The following GRIN2A variants were observed in gnomAD, a reference collection of about 807,000 sequenced individuals.
GRIN2A encodes the protein glutamate ionotropic receptor NMDA type subunit 2A, also known as glutamate receptor ionotropic, NMDA 2A.
Under a neutral mutation model 113.4 loss-of-function variants are expected in GRIN2A, and 22 were observed. The ratio of observed to expected loss-of-function variants is 0.19; its 90% CI spans 0.14 to 0.28. The LOEUF (loss-of-function observed/expected upper bound fraction) is 0.28, where lower values mean the gene tolerates loss of function less well. GRIN2A is among the 10% of genes least tolerant of loss of function. The probability of loss-of-function intolerance (pLI) is 1.00; values close to 1 mark genes in which losing one functional copy is unlikely to be tolerated. For missense variants in GRIN2A, 1,502 were observed against 1,887.0 expected (o/e 0.80, Z 3.78); for synonymous variants, 827 against 738.4 (o/e 1.12, Z -1.94).
chr16:9,926,525 A>T (rs1361752411), intron 3 of GRIN2A, among the ~76,000 whole-genome samples: 1 of 152,232 alleles, frequency 6.6e-6, no homozygotes, highest in Non-Finnish European at 1.5e-5. Flanking sequence ...CTCAGGTATG[A>T]AGATCTCTGG....
At chr16:10,048,091 T>G (rs1014869251) in intron 2 of GRIN2A, among the ~76,000 whole-genome samples, 2 of 152,242 alleles carry the variant, frequency 1.3e-5, no homozygotes, top group Non-Finnish European at 2.9e-5. Context: ...TCAGACTCAA[T>G]AGTTATATTT....
chr16:10,040,674 T>C (rs2047148970), intron 2 of GRIN2A, among the ~76,000 whole-genome samples: 1 of 151,478 alleles, frequency 6.6e-6, no homozygotes, highest in African/African-American at 2.4e-5. Flanking sequence ...CACTCACATG[T>C]GCACACACAA....
intron 2 of GRIN2A, among the ~76,000 whole-genome samples, chr16:10,160,659 T>C (rs2049791939): frequency 6.6e-6 from 1 of 152,234 alleles, no homozygotes; most frequent in Non-Finnish European, 1.5e-5. Context: ...TTTAATGAAT[T>C]CTTCTAACCG....
chr16:10,022,983 T>G (rs920510968), intron 2 of GRIN2A, among the ~76,000 whole-genome samples: 1 of 152,180 alleles, frequency 6.6e-6, no homozygotes, highest in Non-Finnish European at 1.5e-5. Flanking sequence ...GTTTGTAGAT[T>G]AACACAGGAA....
intron 2 of GRIN2A, among the ~76,000 whole-genome samples, chr16:10,047,915 C>G (rs2047288239): frequency 6.6e-6 from 1 of 152,146 alleles, no homozygotes; most frequent in Admixed American, 6.5e-5. Context: ...GGCTTACTAA[C>G]ATATGTCTCA....
intron 2 of GRIN2A, among the ~76,000 whole-genome samples, chr16:9,996,129 A>G (rs2141830525): frequency 6.6e-6 from 1 of 152,114 alleles, no homozygotes; most frequent in South Asian, 2.1e-4. Flanking sequence ...AACTAAGGAG[A>G]AAGAAGTATG....
At chr16:10,128,929 A>C (rs1241869154) in intron 2 of GRIN2A, among the ~76,000 whole-genome samples, 1 of 152,240 alleles carries the variant, frequency 6.6e-6, no homozygotes, top group Non-Finnish European at 1.5e-5. Flanking sequence ...TTACCATGGC[A>C]GTTTCAATGC....
intron 11 of GRIN2A, among the ~76,000 whole-genome samples, chr16:9,790,226 A>C (rs1420382653): frequency 2.0e-5 from 3 of 152,200 alleles, no homozygotes; most frequent in Non-Finnish European, 2.9e-5. Flanking sequence ...TGCAGAGGTC[A>C]AGTCTTTCCC....
At chr16:9,820,855 A>T (rs1181500371) in intron 10 of GRIN2A, among the ~76,000 whole-genome samples, 1 of 152,194 alleles carries the variant, frequency 6.6e-6, no homozygotes, top group South Asian at 2.1e-4. Context: ...TTATACTTCA[A>T]AAGTTTAAAG....
At chr16:10,077,917 C>G (rs2047907109) in intron 2 of GRIN2A, among the ~76,000 whole-genome samples, 1 of 152,186 alleles carries the variant, frequency 6.6e-6, no homozygotes, top group Non-Finnish European at 1.5e-5. Flanking sequence ...CGTTTCTTGT[C>G]TCCAAGGTAA....
intron 11 of GRIN2A, among the ~76,000 whole-genome samples, chr16:9,784,458 C>CA (rs1236762674): frequency 2.1e-5 from 3 of 141,090 alleles, no homozygotes; most frequent in African/African-American, 8.3e-5. Context: ...AAAAAACAAA[C>CA]AAACAAAAAA....
intron 2 of GRIN2A, among the ~76,000 whole-genome samples, chr16:10,105,143 C>T (rs1185564630): frequency 2.0e-5 from 1 of 51,040 alleles, no homozygotes; most frequent in African/African-American, 9.6e-5. Flanking sequence ...GAGATGGAAG[C>T]CTGGAGAAGC....
intron 2 of GRIN2A, among the ~76,000 whole-genome samples, chr16:9,982,165 C>A (rs1228149085): frequency 1.3e-5 from 2 of 152,002 alleles, no homozygotes; most frequent in African/African-American, 4.8e-5. Flanking sequence ...TTGCAGTTTC[C>A]AATAGTCTGG....
chr16:10,104,430 T>C (rs1483606891), intron 2 of GRIN2A, among the ~76,000 whole-genome samples: 1 of 152,120 alleles, frequency 6.6e-6, no homozygotes, highest in Admixed American at 6.5e-5. Context: ...GAAGAAAGAA[T>C]ATCATAGGAG....
intron 3 of GRIN2A, among the ~76,000 whole-genome samples, chr16:9,923,022 C>T (rs940390242): frequency 5.3e-5 from 8 of 152,060 alleles, no homozygotes; most frequent in Admixed American, 1.3e-4. Flanking sequence ...TTGTTAAAAT[C>T]ATCTGTATCT....
intron 11 of GRIN2A, among the ~76,000 whole-genome samples, chr16:9,795,729 T>G (rs965995481): frequency 2.0e-5 from 3 of 152,246 alleles, no homozygotes; most frequent in African/African-American, 7.2e-5. Context: ...TAGGTAATTA[T>G]TTCTGTACCC....
intron 2 of GRIN2A, among the ~76,000 whole-genome samples, chr16:10,147,850 AC>A (rs1251738052): frequency 3.3e-5 from 5 of 152,038 alleles, no homozygotes; most frequent in Non-Finnish European, 7.4e-5. Flanking sequence ...GGCTATAACC[AC>A]CCTGCCTACT....
chr16:9,932,144 A>G (rs1254516966), intron 3 of GRIN2A, among the ~76,000 whole-genome samples: 1 of 152,214 alleles, frequency 6.6e-6, no homozygotes, highest in Non-Finnish European at 1.5e-5. Context: ...CTGGGCCTCT[A>G]CTATGGAATA....
At chr16:9,911,012 C>T (rs1047524711) in intron 3 of GRIN2A, among the ~76,000 whole-genome samples, 16 of 151,578 alleles carry the variant, frequency 1.1e-4, no homozygotes, top group Non-Finnish European at 2.1e-4. Flanking sequence ...GTCTTCTTTA[C>T]TTTAACTAAA....
Sources: allele counts gnomAD v4.1 joint callset (sites outside exome capture counted in the v4.1 genomes callset), GRCh38; gene constraint gnomAD v4.1.1; transcripts MANE v1.5; gene names NCBI Gene and HGNC (gene_info 2026-07-23, HGNC 2026-07-21).